ANKRD55: variants seen among roughly 807,000 people sequenced by gnomAD.
The protein encoded by ANKRD55 is ankyrin repeat domain-containing protein 55.
ANKRD55 carries 41 observed loss-of-function variants against 60.6 expected under a neutral mutation model. That is an observed-to-expected ratio of 0.68 (90% CI 0.53 to 0.88). ANKRD55 has a LOEUF of 0.88. ANKRD55 is among the 40% of genes least tolerant of loss of function. The pLI, the probability that ANKRD55 is intolerant of heterozygous loss-of-function variation, is 0.00. For synonymous variants in ANKRD55, 264 were observed against 290.3 expected (o/e 0.91, Z 0.92); for missense variants, 732 against 767.6 (o/e 0.95, Z 0.55).
At chr5:56,162,168 A>T in intron 5 of ANKRD55, 1 of 314,898 alleles carries the variant, frequency 3.2e-6, no homozygotes, top group Non-Finnish European at 4.6e-6. Context: ...GATTATCTGT[A>T]GCCAGACAGG....
In ANKRD55 at chr5:56,155,784, A is replaced by G. The variant is rs1272401901; in HGVS notation, c.483+4049T>C. Among the ~76,000 whole-genome samples, 3 of 151,382 alleles carry G rather than the reference A, an allele frequency of 2.0e-5. No individual in the cohort carries two copies. The East Asian group carries it at 5.8e-4, about 29-fold the overall frequency. On this transcript the variant is annotated intron_variant, in intron 6 of 11. Transcript: ENST00000341048. ...CACCTGAGCCCAGGATGCGGAGGTT[A>G]CAGTGCACTGACATCGCACCATACC...
At chr5:56,225,685 C>T (rs1452065595) in intron 2 of ANKRD55, among the ~76,000 whole-genome samples, 1 of 152,060 alleles carries the variant, frequency 6.6e-6, no homozygotes, top group Non-Finnish European at 1.5e-5. Context: ...TCTTATACAC[C>T]AACAACAGAC....
At position 56,192,352 on chromosome 5, in the gene ANKRD55, T is replaced by C. The variant is rs527351622; in HGVS notation, c.59-8718A>G. Among the ~76,000 whole-genome samples the C allele has an allele frequency of 2.6e-5, 4 of 152,306 alleles. No individual in the cohort carries two copies. The South Asian group carries it at 8.3e-4, about 32-fold the overall frequency. On this transcript the variant is annotated intron_variant, in intron 2 of 11. Transcript: ENST00000341048. ...AAGAAGCATGTGAAGACACGCAGAT[T>C]ATATTTTATTTAAAACTCTGCCGCT...
At chr5:56,133,336 G>A (rs1580967057) in intron 7 of ANKRD55, among the ~76,000 whole-genome samples, 1 of 151,446 alleles carries the variant, frequency 6.6e-6, no homozygotes. Context: ...CTACTGGGGA[G>A]ACTGAGGTAG....
Position 56,116,727 on chromosome 5 carries a change from G to A in ANKRD55, c.853C>T (p.Leu285=). 6.2e-7 allele frequency: 1 copy of A among 1,613,932 alleles called. No homozygotes were observed. The highest frequency in any genetic ancestry group is 8.5e-7 in the Non-Finnish European group (1 of 1,179,894). ...AGKAECVQSL[L]ELGMDSNLRD... is the part of the protein sequence containing the mutation. ...AGGTTGCTGTCCATTCCCAACTCCA[G>A]CAGTGACTGGACACATTCGGCCTTC... is the stretch of plus-strand genomic sequence containing the variant. The change falls in exon 9 of 12, where the codon CTG becomes TTG. Residue 285 remains leucine (L), a synonymous_variant. Transcript: ENST00000341048.
intron 6 of ANKRD55, among the ~76,000 whole-genome samples, chr5:56,153,074 C>T (rs1239308946): frequency 3.9e-5 from 6 of 152,046 alleles, no homozygotes; most frequent in African/African-American, 9.7e-5. Flanking sequence ...AAACTAAACT[C>T]CTATAGATCA....
chr5:56,187,708 C>T (rs577663277), intron 2 of ANKRD55, among the ~76,000 whole-genome samples: 6 of 152,254 alleles, frequency 3.9e-5, no homozygotes, highest in Admixed American at 2.0e-4. Context: ...CTGGGTTCAT[C>T]CTAATCGAGC....
intron 7 of ANKRD55, among the ~76,000 whole-genome samples, chr5:56,141,130 G>GTTTGTTTTT (rs1561266938): frequency 8.9e-6 from 1 of 111,774 alleles, no homozygotes; most frequent in Non-Finnish European, 1.7e-5. Context: ...TGCACACACA[G>GTTTGTTTTT]TTTTTTTTTT....
At chr5:56,188,762 C>T (rs1213657401) in intron 2 of ANKRD55, among the ~76,000 whole-genome samples, 2 of 152,174 alleles carry the variant, frequency 1.3e-5, no homozygotes, top group Admixed American at 6.5e-5. Flanking sequence ...ATGCCTCCAG[C>T]TTAAGTCAAT....
rs1758215270 is a variant in ANKRD55, at chr5:56,157,237, G to T, written c.483+2596C>A. On this transcript the variant is annotated intron_variant, in intron 6 of 11. Transcript: ENST00000341048. ...ACAAATGCTTGAAGGCAGCATGCTT[G>T]TTAAAAGTCATCACCACTCCCTAAT... Among the ~76,000 whole-genome samples the T allele has an allele frequency of 2.0e-5, 3 of 152,324 alleles. No homozygotes were observed. In the South Asian group the frequency reaches 6.2e-4, roughly 32 times the overall value.
At chr5:56,178,708 A>G (rs1758790983) in intron 3 of ANKRD55, among the ~76,000 whole-genome samples, 1 of 152,156 alleles carries the variant, frequency 6.6e-6, no homozygotes, top group Admixed American at 6.5e-5. Flanking sequence ...ACTGGGTGAC[A>G]TAAAAGAAGA....
chr5:56,137,003 G>A, intron 7 of ANKRD55: 2 of 681,008 alleles, frequency 2.9e-6, no homozygotes, highest in African/African-American at 3.5e-5. Flanking sequence ...ACTTGACCCA[G>A]AGAGCCCCAC....
chr5:56,225,145 T>G (rs199932944), intron 2 of ANKRD55, among the ~76,000 whole-genome samples: 1,709 of 152,238 alleles, frequency 0.011, 20 homozygotes, highest in African/African-American at 0.036. Context: ...ATGATCAAGT[T>G]GGCTTCATCC....
chr5:56,109,872 G>T (rs1331593251), intron 10 of ANKRD55, among the ~76,000 whole-genome samples: 1 of 152,072 alleles, frequency 6.6e-6, no homozygotes, highest in East Asian at 1.9e-4. Context: ...CAAAGAATTA[G>T]CTGGGTGTGG....
intron 4 of ANKRD55, among the ~76,000 whole-genome samples, chr5:56,173,582 C>CTATA (rs1182603115): frequency 0.016 from 715 of 45,174 alleles, 24 homozygotes; most frequent in Non-Finnish European, 0.021. Flanking sequence ...CTCTCTCTCT[C>CTATA]TATATATATA....
At chr5:56,168,107 T>G (rs530669665) in intron 5 of ANKRD55, among the ~76,000 whole-genome samples, 2 of 152,320 alleles carry the variant, frequency 1.3e-5, no homozygotes, top group South Asian at 4.1e-4. Context: ...CCAGAGCACC[T>G]TATAACCAGA....
chr5:56,161,416 C>G (rs1758326155), intron 5 of ANKRD55, among the ~76,000 whole-genome samples: 2 of 152,320 alleles, frequency 1.3e-5, no homozygotes, highest in East Asian at 3.9e-4. Flanking sequence ...TGTTTAGTCT[C>G]TTCTCCAATC....
chr5:56,181,252 TG>T (rs1481207102), intron 3 of ANKRD55, among the ~76,000 whole-genome samples: 2 of 152,154 alleles, frequency 1.3e-5, no homozygotes, highest in African/African-American at 4.8e-5. Flanking sequence ...TGAATTGGAG[TG>T]GTGAGAGTGG....
At chr5:56,180,247 C>G (rs188799482) in intron 3 of ANKRD55, among the ~76,000 whole-genome samples, 4 of 152,346 alleles carry the variant, frequency 2.6e-5, no homozygotes, top group Admixed American at 2.0e-4. Context: ...GGTTCCACCT[C>G]TCAACAATAC....
Sources: allele counts gnomAD v4.1 joint callset (sites outside exome capture counted in the v4.1 genomes callset), GRCh38; gene constraint gnomAD v4.1.1; transcripts MANE v1.5; gene names NCBI Gene and HGNC (gene_info 2026-07-23, HGNC 2026-07-21).